Variants in CSMD3 observed in about 807,000 individuals in gnomAD.
CSMD3 encodes CUB and Sushi multiple domains 3.
CSMD3 carries 177 observed loss-of-function variants against 435.2 expected under a neutral mutation model. That is an observed-to-expected ratio of 0.41 (90% confidence interval 0.36 to 0.46). The LOEUF (loss-of-function observed/expected upper bound fraction) is 0.46, where lower values mean the gene tolerates loss of function less well. Among genes scored for constraint, CSMD3 ranks in the 20% least tolerant of loss-of-function variants. The probability of loss-of-function intolerance (pLI) is 0.34; values close to 1 mark genes in which losing one functional copy is unlikely to be tolerated. For missense variants in CSMD3, 4,265 were observed against 4,504.6 expected, an observed-to-expected ratio of 0.95 and a Z score of 1.52; for synonymous variants, 1,656 against 1,520.5, an observed-to-expected ratio of 1.09 and a Z score of -2.07.
intron 5 of CSMD3, among the ~76,000 whole-genome samples, chr8:113,038,234 T>C (rs1199645577): frequency 6.6e-6 from 1 of 152,082 alleles, no homozygotes; most frequent in East Asian, 1.9e-4. Context: ...AGTTGGAATA[T>C]AAAACATATA....
chr8:112,299,783 A>G (rs2130742969), intron 53 of CSMD3, among the ~76,000 whole-genome samples: 1 of 152,144 alleles, frequency 6.6e-6, no homozygotes, highest in South Asian at 2.1e-4. Context: ...CTTGTTTGGT[A>G]ACTGTACTTT....
At chr8:112,801,462 T>C (rs1411248628) in intron 12 of CSMD3, among the ~76,000 whole-genome samples, 2 of 152,042 alleles carry the variant, frequency 1.3e-5, no homozygotes, top group Non-Finnish European at 2.9e-5. Context: ...TATTTAATTA[T>C]GGGATTATAT....
chr8:112,240,135 G>T (rs1813980318), intron 66 of CSMD3, among the ~76,000 whole-genome samples: 2 of 151,702 alleles, frequency 1.3e-5, no homozygotes, highest in Non-Finnish European at 2.9e-5. Flanking sequence ...TACTAATTTT[G>T]CTCTGAATTT....
At chr8:113,373,442 T>G (rs1417770948) in intron 1 of CSMD3, among the ~76,000 whole-genome samples, 3 of 152,156 alleles carry the variant, frequency 2.0e-5, no homozygotes, top group Non-Finnish European at 2.9e-5. Context: ...TATTTTTCCA[T>G]TTTAATTTCA....
chr8:112,322,279 C>T (rs1294769063), intron 45 of CSMD3, among the ~76,000 whole-genome samples: 2 of 152,018 alleles, frequency 1.3e-5, no homozygotes, highest in Admixed American at 6.6e-5. Context: ...ACCTAGATAA[C>T]TCAGTCACAG....
intron 4 of CSMD3, among the ~76,000 whole-genome samples, chr8:113,134,927 A>G (rs1263213464): frequency 6.6e-6 from 1 of 152,026 alleles, no homozygotes; most frequent in Non-Finnish European, 1.5e-5. Flanking sequence ...TGAGCAAATG[A>G]GGATCAAACA....
At chr8:112,504,230 A>G (rs1457080385) in intron 29 of CSMD3, among the ~76,000 whole-genome samples, 1 of 152,100 alleles carries the variant, frequency 6.6e-6, no homozygotes, top group Non-Finnish European at 1.5e-5. Flanking sequence ...ATGCAGAGGA[A>G]ATATAAGTGA....
At chr8:112,764,618 T>G (rs968930799) in intron 13 of CSMD3, among the ~76,000 whole-genome samples, 14 of 151,626 alleles carry the variant, frequency 9.2e-5, no homozygotes, top group African/African-American at 3.4e-4. Context: ...GCAGTTACAA[T>G]GAAATGGTTT....
At chr8:113,316,641 C>T (rs912073009) in intron 1 of CSMD3, among the ~76,000 whole-genome samples, 1 of 151,756 alleles carries the variant, frequency 6.6e-6, no homozygotes, top group Non-Finnish European at 1.5e-5. Context: ...CCTCCCCCTC[C>T]TGGGTTCAAG....
intron 4 of CSMD3, among the ~76,000 whole-genome samples, chr8:113,168,309 G>A (rs760711081): frequency 2.6e-5 from 4 of 151,898 alleles, no homozygotes; most frequent in Non-Finnish European, 2.9e-5. Context: ...GGCAGATCAC[G>A]AGGTCAAGAG....
intron 24 of CSMD3, among the ~76,000 whole-genome samples, chr8:112,571,234 C>T (rs551454091): frequency 6.6e-6 from 1 of 152,128 alleles, no homozygotes; most frequent in South Asian, 2.1e-4. Flanking sequence ...CTCAGACTCC[C>T]GACCTCAGGT....
chr8:112,239,673 T>C (rs1813931595), intron 66 of CSMD3, among the ~76,000 whole-genome samples: 1 of 152,120 alleles, frequency 6.6e-6, no homozygotes, highest in African/African-American at 2.4e-5. Context: ...GTAATTTGTC[T>C]GCTCTGTGTA....
At chr8:112,920,107 G>T (rs1423604912) in intron 10 of CSMD3, among the ~76,000 whole-genome samples, 2 of 151,914 alleles carry the variant, frequency 1.3e-5, no homozygotes, top group African/African-American at 4.8e-5. Context: ...ACATGATGAG[G>T]TATTCATTTT....
intron 3 of CSMD3, among the ~76,000 whole-genome samples, chr8:113,239,092 C>T (rs1024183919): frequency 2.6e-5 from 4 of 152,040 alleles, no homozygotes; most frequent in Non-Finnish European, 4.4e-5. Context: ...CTTGCCTGTC[C>T]GCCTTGAGCT....
chr8:112,746,376 G>A lies in CSMD3; in HGVS notation c.1972+53786C>T, dbSNP rs576303642. ...TGAGTGGTGTGTCTTTGCTCTTAGTGATTTCAGACAGCACTTAATTGTCTA... is the reference window on the plus strand; with the variant it reads ...TGAGTGGTGTGTCTTTGCTCTTAGTAATTTCAGACAGCACTTAATTGTCTA... On this transcript the variant is annotated intron_variant, in intron 13 of 70. Coordinates refer to ENST00000297405, the MANE Select transcript of CSMD3 (RefSeq NM_198123.2). Among the ~76,000 whole-genome samples, 4 of 152,208 alleles carry A rather than the reference G, an allele frequency of 2.6e-5. No individual in the cohort carries two copies. The East Asian group carries it at 7.8e-4, about 29-fold the overall frequency.
chr8:113,213,404 G>A (rs1278790350), intron 3 of CSMD3, among the ~76,000 whole-genome samples: 1 of 152,002 alleles, frequency 6.6e-6, no homozygotes, highest in African/African-American at 2.4e-5. Flanking sequence ...TTGATGTTTG[G>A]CTTTAATCAG....
rs183328722 is a variant in CSMD3 at position 113,099,484 on chromosome 8, A to C, written c.710-521T>G. Reference sequence around the variant, plus strand: ...AAAAACGTTTGTAGAAATACAACTCAAATAAAAATATATCACATATCCAGG... The same window carrying C: ...AAAAACGTTTGTAGAAATACAACTCCAATAAAAATATATCACATATCCAGG... On this transcript the variant is annotated intron_variant, in intron 4 of 70. Coordinates refer to ENST00000297405, the MANE Select transcript of CSMD3 (RefSeq NM_198123.2). 9.9e-5 allele frequency among the ~76,000 whole-genome samples: 15 copies of C among 152,254 alleles called. 1 individual carries two copies. The East Asian group carries it at 2.9e-3, about 29-fold the overall frequency.
chr8:113,360,595 A>G, intron 1 of CSMD3, among the ~76,000 whole-genome samples: 1 of 108,818 alleles, frequency 9.2e-6, no homozygotes, highest in Admixed American at 1.1e-4. Context: ...TTTTTTTGAG[A>G]CGGAGTCTCG....
chr8:112,302,664 G>C (rs1204667271), intron 52 of CSMD3, among the ~76,000 whole-genome samples: 1 of 151,860 alleles, frequency 6.6e-6, no homozygotes, highest in Non-Finnish European at 1.5e-5. Context: ...AGGTGCTATA[G>C]TGTTTTCATT....
Sources: gnomAD v4.1 joint callset for allele counts (sites outside exome capture counted in the v4.1 genomes callset) on GRCh38, gnomAD v4.1.1 for gene constraint, MANE v1.5 for transcripts, NCBI Gene and HGNC (gene_info 2026-07-23, HGNC 2026-07-21) for gene names.